The following HSF4 variants were observed in gnomAD, a reference collection of about 807,000 sequenced individuals.
HSF4 encodes heat shock factor protein 4.
A neutral mutation model predicts 52.0 loss-of-function variants in HSF4; 41 were observed. The observed-to-expected ratio is 0.79, with a 90% CI of 0.61 to 1.02. HSF4 has a LOEUF of 1.02. Among genes scored for constraint, HSF4 ranks in the 50% least tolerant of loss-of-function variants. HSF4 has a pLI of 0.00. For synonymous variants in HSF4, 285 were observed against 273.0 expected (o/e 1.04, Z -0.43); for missense variants, 610 against 651.1 (o/e 0.94, Z 0.69).
At chr16:67,163,845 C>G, upstream of HSF4, 1 of 1,526,368 alleles carries the variant, frequency 6.6e-7, no homozygotes, top group Non-Finnish European at 8.7e-7. Context: ...TCCCCCGTCC[C>G]CGTGGACGTA....
At position 67,167,227 on chromosome 16, in the gene HSF4, G is replaced by T; in HGVS notation, c.729+5G>T. 4 of 1,614,126 alleles carry T rather than the reference G, an allele frequency of 2.5e-6. No individual in the cohort carries two copies. Among genetic ancestry groups the T allele is most frequent in the Non-Finnish European group, 3.4e-6 (4 of 1,180,014 alleles). On this transcript the variant is annotated splice_donor_5th_base_variant and intron_variant, in intron 7 of 12. Coordinates refer to ENST00000521374, the MANE Select transcript of HSF4 (RefSeq NM_001374675.1). Reference sequence around the variant, plus strand: ...GACCCCTACTTCATCCAGTCGGTAGGTTTGTCTTCTTCCCCCTTCCCAAGG... The same window carrying T: ...GACCCCTACTTCATCCAGTCGGTAGTTTTGTCTTCTTCCCCCTTCCCAAGG...
chr16:67,164,551 TCACCC>T (rs745593476), upstream of HSF4: 10 of 580,430 alleles, frequency 1.7e-5, no homozygotes, highest in Non-Finnish European at 2.9e-5. Context: ...CCCACTCATC[TCACCC>T]CACCCCACCC....
chr16:67,164,133 C>T, upstream of HSF4: 1 of 656,028 alleles, frequency 1.5e-6, no homozygotes, highest in East Asian at 3.0e-5. Flanking sequence ...GGGCGCGGGC[C>T]GGGCCTCAAG....
At chr16:67,166,465 G>A in intron 5 of HSF4, 70 bp downstream of exon 5, 2 of 1,594,718 alleles carry the variant, frequency 1.3e-6, no homozygotes, top group East Asian at 2.2e-5. Context: ...CCAGTCCCCC[G>A]GCGCCCCTGT....
intron 5 of HSF4, 31 bp downstream of exon 5, chr16:67,166,426 TC>T: frequency 6.3e-7 from 1 of 1,597,842 alleles, no homozygotes; most frequent in South Asian, 1.1e-5. Context: ...CGCTTCTCCC[TC>T]CCACTCCTCG....
upstream of HSF4, chr16:67,164,625 C>T (rs1041731818): frequency 1.7e-6 from 1 of 605,614 alleles, no homozygotes; most frequent in Non-Finnish European, 2.9e-6. Flanking sequence ...ATCCAGCCAG[C>T]CTTTTCTGCC....
In HSF4 at chr16:67,168,836, C is replaced by T. The variant is rs987274217; in HGVS notation, c.1088C>T (p.Pro363Leu). Residue 363 changes from proline to leucine, a missense_variant, in exon 10 of 13, where the codon CCT becomes CTT. Pro to Leu is a moderately conservative substitution (Grantham distance 98, BLOSUM62 -3). Transcript: ENST00000521374. Reference protein sequence around the residue: ...GDPREIPDRGPLGLESGDRSP... With the variant: ...GDPREIPDRGLLGLESGDRSP... ...AAGCAGTTCTGTCTGCACAGGGGGCCTCTGGGCCTGGAAAGCGGGGACAGG... is the reference window on the plus strand; with the variant it reads ...AAGCAGTTCTGTCTGCACAGGGGGCTTCTGGGCCTGGAAAGCGGGGACAGG... The T allele has an allele frequency of 7.4e-6, 12 of 1,613,458 alleles. No individual in the cohort carries two copies. Among genetic ancestry groups the T allele is most frequent in the Admixed American group, 1.7e-5 (1 of 60,010 alleles).
Position 67,169,600 on chromosome 16 carries a change from C to T in HSF4, c.1325-31C>T, listed in dbSNP as rs1174830651. The T allele has an allele frequency of 6.2e-7, 1 of 1,602,236 alleles. No homozygotes were observed. Among genetic ancestry groups the T allele is most frequent in the Non-Finnish European group, 8.5e-7 (1 of 1,179,792 alleles). Reference sequence around the variant, plus strand: ...CCTGAAGAAAGGAGGGGGAACATTTCCCCTGGTGAGCGCAGTCCCACTTCT... The same window carrying T: ...CCTGAAGAAAGGAGGGGGAACATTTTCCCTGGTGAGCGCAGTCCCACTTCT... On this transcript the variant is annotated intron_variant, in intron 12 of 12. Coordinates refer to ENST00000521374, the MANE Select transcript of HSF4 (RefSeq NM_001374675.1). The surrounding 1 kb of genome is among the most constrained non-coding windows in gnomAD (Gnocchi z 4.3).
At chr16:67,163,968 G>C (rs1483382977), upstream of HSF4, 8 of 1,261,534 alleles carry the variant, frequency 6.3e-6, no homozygotes, top group Middle Eastern at 2.4e-4. Context: ...TGATGGCATC[G>C]GGACCAGTCC....
chr16:67,167,964 C>A lies in HSF4; in HGVS notation c.1082+17C>A. 2 of 1,559,840 alleles carry A rather than the reference C, an allele frequency of 1.3e-6. No individual in the cohort carries two copies. The highest frequency in any genetic ancestry group is 1.7e-6 in the Non-Finnish European group (2 of 1,156,094). On this transcript the variant is annotated intron_variant, in intron 9 of 12. Transcript: ENST00000521374. Reference sequence around the variant, plus strand: ...ACCTGACAGGTGAGCAGAGCCCCAGCTGGCCCATGAGCCCTGTGATAGAAC... The same window carrying A: ...ACCTGACAGGTGAGCAGAGCCCCAGATGGCCCATGAGCCCTGTGATAGAAC...
At position 67,164,994 on chromosome 16, in the gene HSF4, C is replaced by T. The variant is rs894526937; in HGVS notation, c.123+60C>T. On this transcript the variant is annotated intron_variant, in intron 1 of 12. Transcript: ENST00000521374. ...CCCGGGGTCCCTCCACGTCAGTGAA[C>T]ACCCATGCCCGCCCAACCCCCTCCT... The T allele has an allele frequency of 1.1e-5, 17 of 1,493,384 alleles. No individual in the cohort carries two copies. The African/African-American group carries it at 2.2e-4, about 20-fold the overall frequency. 92.5% of individuals were successfully genotyped at this position (1,493,384 alleles called of 1,614,324 possible).
Position 67,167,488 on chromosome 16 carries a change from C to T in HSF4, c.743C>T (p.Thr248Ile). The change falls in exon 8 of 13, where the codon ACA becomes ATA. Residue 248 changes from threonine to isoleucine, a missense_variant. Physicochemically the swap from Thr to Ile is moderately conservative, Grantham distance 89. Transcript: ENST00000521374. ...PYFIQSPLPE[T>I]NLGLSPHRAR... ...TTCTACTTACAGCCTCTCCCAGAGA[C>T]AAATTTGGGCCTTAGCCCTCACAGG... The T allele has an allele frequency of 6.2e-7, 1 of 1,613,846 alleles. No individual in the cohort carries two copies. The highest frequency in any genetic ancestry group is 8.5e-7 in the Non-Finnish European group (1 of 1,180,032).
intron 1 of HSF4, 37 bp downstream of exon 1, chr16:67,164,971 C>A: frequency 6.4e-7 from 1 of 1,559,474 alleles, no homozygotes; most frequent in East Asian, 2.3e-5. Flanking sequence ...CCTGTGGTCC[C>A]GGGGTCCCTC....
chr16:67,166,216 C>A, intron 4 of HSF4, 104 bp from the exon 5 acceptor site: 4 of 1,383,536 alleles, frequency 2.9e-6, no homozygotes, highest in Non-Finnish European at 4.0e-6. Context: ...CTGGGATGGC[C>A]AGTCAGCGGG....
rs1188538116 is a variant in HSF4 at position 67,165,804 on chromosome 16, C to A, written c.318C>A (p.Phe106Leu). The change falls in exon 3 of 13, where the codon TTC (phenylalanine) becomes TTA (leucine). Residue 106 changes from phenylalanine (F) to leucine (L), a missense_variant. Physicochemically the swap from Phe to Leu is conservative, Grantham distance 22 (BLOSUM62 0). Coordinates refer to ENST00000521374, the MANE Select transcript of HSF4 (RefSeq NM_001374675.1). The surrounding 1 kb of genome is among the most constrained non-coding windows in gnomAD (Gnocchi z 6.9). ...ACGTCGAGTTCCAGCACCCGAGCTT[C>A]GTGCGCGGCCGCGAGCAGCTACTGG... ...RDHVEFQHPSFVRGREQLLER... is the reference protein window; with the variant it reads ...RDHVEFQHPSLVRGREQLLER... 2 of 1,608,120 alleles carry A rather than the reference C, an allele frequency of 1.2e-6. No homozygotes were observed. Among genetic ancestry groups the A allele is most frequent in the Non-Finnish European group, 1.7e-6 (2 of 1,179,470 alleles).
chr16:67,167,472 C>G lies in HSF4; in HGVS notation c.730-3C>G. 2 of 1,613,840 alleles carry G rather than the reference C, an allele frequency of 1.2e-6. No individual in the cohort carries two copies. The highest frequency in any genetic ancestry group is 1.6e-4 in the Middle Eastern group (1 of 6,062). ...AGGGCTGGGCCTAGCCTTCTACTTA[C>G]AGCCTCTCCCAGAGACAAATTTGGG... On this transcript the variant is annotated splice_polypyrimidine_tract_variant and splice_region_variant and intron_variant, in intron 7 of 12. Transcript: ENST00000521374.
chr16:67,165,359 C>T lies in HSF4; in HGVS notation c.124-163C>T, dbSNP rs957614081. The T allele has an allele frequency of 4.4e-6, 3 of 681,614 alleles. No individual in the cohort carries two copies. In the African/African-American group the frequency reaches 5.4e-5, roughly 12 times the overall value. 42.2% of individuals were successfully genotyped at this position (681,614 alleles called of 1,614,324 possible). A position where few individuals can be genotyped will look rare whatever the true frequency, so the allele number is the denominator to read the frequency against. Reference sequence around the variant, plus strand: ...GTCGCTCCAGGCTAGGCCTCGGAGCCCGTTCTGGCCTGGCCTCGACCCATA... The same window carrying T: ...GTCGCTCCAGGCTAGGCCTCGGAGCTCGTTCTGGCCTGGCCTCGACCCATA... On this transcript the variant is annotated intron_variant, in intron 1 of 12. Transcript: ENST00000521374. The surrounding 1 kb of genome is among the most constrained non-coding windows in gnomAD (Gnocchi z 6.9).
rs1166018974 is a variant in HSF4, at chr16:67,166,415, T to TCC, written c.561+21_561+22insCC. 6.2e-7 allele frequency: 1 copy of TCC among 1,603,774 alleles called. No individual in the cohort carries two copies. The highest frequency in any genetic ancestry group is 8.5e-7 in the Non-Finnish European group (1 of 1,174,780). On this transcript the variant is annotated intron_variant, in intron 5 of 12. Coordinates refer to ENST00000521374, the MANE Select transcript of HSF4 (RefSeq NM_001374675.1). ...GGCAAGGTGTTCCTCTCCCCAAGCC[T>TCC]CGCTTCTCCCTCCCACTCCTCGACA...
chr16:67,169,275 G>A lies in HSF4; in HGVS notation c.1255-4G>A, dbSNP rs370952262. The A allele has an allele frequency of 1.2e-6, 2 of 1,613,478 alleles. No homozygotes were observed. The highest frequency in any genetic ancestry group is 8.5e-7 in the Non-Finnish European group (1 of 1,179,958). ...CCCAGCTGCTCCCTGCGGTTCTCAC[G>A]CAGATGCAGCCCTTGGTTCCAGAGC... On this transcript the variant is annotated splice_region_variant and splice_polypyrimidine_tract_variant and intron_variant, in intron 11 of 12. Transcript: ENST00000521374. This position sits in a 1 kb window ranked among gnomAD's most constrained non-coding sequence, Gnocchi z 4.3.
Sources: allele counts gnomAD v4.1 joint callset, GRCh38; gene constraint gnomAD v4.1.1; non-coding constraint Gnocchi (gnomAD v3.1); transcripts MANE v1.5; gene names NCBI Gene and HGNC (gene_info 2026-07-23, HGNC 2026-07-21).